LRP4: variants seen among roughly 807,000 people sequenced by gnomAD.
The protein encoded by LRP4 is low-density lipoprotein receptor-related protein 4.
In LRP4, 95 loss-of-function variants were observed where a neutral mutation model predicts 220.3. That is an observed-to-expected ratio of 0.43 (90% CI 0.37 to 0.51). The LOEUF (loss-of-function observed/expected upper bound fraction) is 0.51. Ranked by LOEUF, LRP4 falls within the 20% of genes least tolerant of loss-of-function variation. LRP4 has a pLI of 0.00. For synonymous variants in LRP4, 903 were observed against 954.6 expected, an observed-to-expected ratio of 0.95 and a Z score of 1.00; for missense variants, 1,925 against 2,567.0, an observed-to-expected ratio of 0.75 and a Z score of 5.40.
intron 11 of LRP4, 61 bp from the exon 12 acceptor site, chr11:46,894,880 C>A (rs2134850353): frequency 1.4e-6 from 2 of 1,425,196 alleles, no homozygotes; most frequent in East Asian, 4.6e-5. Flanking sequence ...TGGTACCCAT[C>A]AGCAGGTCTT....
chr11:46,862,404 C>G (rs1940581971), intron 37 of LRP4, among the ~76,000 whole-genome samples: 1 of 152,190 alleles, frequency 6.6e-6, no homozygotes, highest in Non-Finnish European at 1.5e-5. Flanking sequence ...CTGGCTCTCA[C>G]TAAGGTCCCT....
rs1169075577 is a variant in LRP4, at chr11:46,858,651, G to A, written c.*332C>T. The A allele has an allele frequency of 1.3e-5, 5 of 386,476 alleles. No homozygotes were observed. Among genetic ancestry groups the A allele is most frequent in the Admixed American group, 3.6e-5 (1 of 27,416 alleles). The allele number at this position is 386,476 out of a possible 1,614,324, so 23.9% of individuals were successfully genotyped here. A position where few individuals can be genotyped will look rare whatever the true frequency, so the allele number is the denominator to read the frequency against. On this transcript the variant is annotated 3_prime_UTR_variant, in exon 38 of 38. Transcript: ENST00000378623. ...TCAGCTGCATCAGCACTGAGAAGCA[G>A]GCACTGAGGGTACTGGGGAAAGGGG...
intron 7 of LRP4, 46 bp from the exon 8 acceptor site, chr11:46,897,040 T>G: frequency 6.2e-7 from 1 of 1,612,838 alleles, no homozygotes; most frequent in Non-Finnish European, 8.5e-7. Context: ...CATTTCAGCC[T>G]GAAATTCTCC....
rs1424972529 is a variant in LRP4 at position 46,879,009 on chromosome 11, C to T, written c.3034G>A (p.Gly1012Ser). The T allele has an allele frequency of 8.1e-6, 13 of 1,614,230 alleles. 1 individual carries two copies. Among genetic ancestry groups the T allele is most frequent in the South Asian group, 5.5e-5 (5 of 91,078 alleles). Residue 1012 changes from glycine (G) to serine (S), a missense_variant, in exon 22 of 38, where the codon GGC (glycine) becomes AGC (serine). Gly to Ser is a moderately conservative substitution (Grantham distance 56, BLOSUM62 0). Around this residue, in one of 3 missense-constraint regions of LRP4, gnomAD observed 1,244 missense variants for 1,624.9 expected, o/e 0.77. Coordinates refer to ENST00000378623, the MANE Select transcript of LRP4 (RefSeq NM_002334.4). ...GACCTAAGACACAGGTGGCTACAGC[C>T]GCCATTCTCCATAGCACATGGTGTA... The part of the protein sequence containing the change: ...VSTPCAMENG[G>S]CSHLCLRSPN...
intron 1 of LRP4, among the ~76,000 whole-genome samples, chr11:46,913,230 G>A (rs1470582668): frequency 2.0e-5 from 3 of 152,166 alleles, no homozygotes; most frequent in East Asian, 3.9e-4. Flanking sequence ...CGTAAGAGGC[G>A]CCCAAGGGCA....
At chr11:46,866,626 T>A (rs1940708377) in intron 34 of LRP4, among the ~76,000 whole-genome samples, 1 of 152,214 alleles carries the variant, frequency 6.6e-6, no homozygotes, top group Non-Finnish European at 1.5e-5. Context: ...AACACAGTCA[T>A]TAGAATTTTT....
rs71042636 is a variant in LRP4, at chr11:46,909,611, CAAAAAAAA to C, written c.53-6690_53-6683del. Among the ~76,000 whole-genome samples, 123 of 46,098 alleles carry C rather than the reference CAAAAAAAA, an allele frequency of 2.7e-3. 4 individuals carry two copies. The highest frequency in any genetic ancestry group is 0.016 in the East Asian group (30 of 1,904). 30.2% of individuals were successfully genotyped at this position (46,098 alleles called of 152,430 possible). A position where few individuals can be genotyped will look rare whatever the true frequency, so the allele number is the denominator to read the frequency against. ...TGGGCGACAGAGCGAGACTCCGTCT[CAAAAAAAA>C]AAAAAAAAAAAAAAAAAAAAAGGAG... On this transcript the variant is annotated intron_variant, in intron 1 of 37. Transcript: ENST00000378623.
chr11:46,910,951 C>T (rs1941849939), intron 1 of LRP4, among the ~76,000 whole-genome samples: 1 of 152,116 alleles, frequency 6.6e-6, no homozygotes, highest in Non-Finnish European at 1.5e-5. Flanking sequence ...ACTGGGATTA[C>T]AGGCACGAGC....
rs762445274 is a variant in LRP4, at chr11:46,875,699, G to C, written c.3700-18C>G. ...TCAATTCGCTGCAGAGGAAGGAGAGGGTGGGGGGTGGTGATCAGCAGATTG... is the reference window on the plus strand; with the variant it reads ...TCAATTCGCTGCAGAGGAAGGAGAGCGTGGGGGGTGGTGATCAGCAGATTG... On this transcript the variant is annotated intron_variant, in intron 26 of 37. Coordinates refer to ENST00000378623, the MANE Select transcript of LRP4 (RefSeq NM_002334.4). This position sits in a 1 kb window ranked among gnomAD's most constrained non-coding sequence, Gnocchi z 4.5. 6.2e-7 allele frequency: 1 copy of C among 1,612,818 alleles called. No individual in the cohort carries two copies. Among genetic ancestry groups the C allele is most frequent in the Non-Finnish European group, 8.5e-7 (1 of 1,178,928 alleles).
In LRP4 at chr11:46,886,543, G is replaced by A; in HGVS notation, c.2216-10C>T. The stretch of plus-strand genomic sequence containing the variant: ...AGGAACTTGTCAAGACCTGATCAAA[G>A]GCCGAAAGGGGTCTTCTTTTAATGC... On this transcript the variant is annotated splice_polypyrimidine_tract_variant and intron_variant, in intron 16 of 37. Coordinates refer to ENST00000378623, the MANE Select transcript of LRP4 (RefSeq NM_002334.4). The A allele has an allele frequency of 6.2e-7, 1 of 1,610,402 alleles. No individual in the cohort carries two copies. Among genetic ancestry groups the A allele is most frequent in the Non-Finnish European group, 8.5e-7 (1 of 1,176,930 alleles).
At position 46,896,931 on chromosome 11, in the gene LRP4, C is replaced by G. The variant is rs750372656; in HGVS notation, c.860G>C (p.Trp287Ser). Residue 287 changes from tryptophan (W) to serine (S), a missense_variant, in exon 8 of 38, where the codon TGG becomes TCG. By Grantham distance (177) the Trp-to-Ser change is radical. Around this residue, in one of 3 missense-constraint regions of LRP4, gnomAD observed 412 missense variants for 505.4 expected, o/e 0.82. Coordinates refer to ENST00000378623, the MANE Select transcript of LRP4 (RefSeq NM_002334.4). ...ACAGTCGTCCTCCCCATCACAGCGC[C>G]AGGACAGGCGGACACAGCGGCCTGA... Reference protein sequence around the residue: ...CHSGRCVRLSWRCDGEDDCAD... With the variant: ...CHSGRCVRLSSRCDGEDDCAD... 1.9e-6 allele frequency: 3 copies of G among 1,614,144 alleles called. No homozygotes were observed. Among genetic ancestry groups the G allele is most frequent in the Non-Finnish European group, 2.5e-6 (3 of 1,180,060 alleles).
chr11:46,916,485 T>C (rs1941948019), intron 1 of LRP4, among the ~76,000 whole-genome samples: 2 of 152,036 alleles, frequency 1.3e-5, no homozygotes, highest in Admixed American at 1.3e-4. Flanking sequence ...CCGCGAATCC[T>C]CCCATTCTTT....
intron 36 of LRP4, 52 bp downstream of exon 36, chr11:46,864,396 A>G (rs1940638318): frequency 7.6e-7 from 1 of 1,312,034 alleles, no homozygotes; most frequent in East Asian, 2.3e-5. Context: ...GATCCCAGAC[A>G]TGCTCATGAA....
At position 46,859,203 on chromosome 11, in the gene LRP4, C is replaced by G. The variant is rs771256759; in HGVS notation, c.5498G>C (p.Arg1833Pro). The G allele has an allele frequency of 2.8e-5, 46 of 1,614,168 alleles. No homozygotes were observed. Among genetic ancestry groups the G allele is most frequent in the Non-Finnish European group, 3.2e-5 (38 of 1,180,022 alleles). Residue 1833 changes from arginine to proline, a missense_variant, in exon 38 of 38, where the codon CGG becomes CCG. This residue lies in a region of LRP4 where 1,244 missense variants were observed against 1,624.9 expected (regional missense o/e 0.77). Coordinates refer to ENST00000378623, the MANE Select transcript of LRP4 (RefSeq NM_002334.4). ...TACATGATCCCGGAGGAGGCCCCCC[C>G]GTGAGCTTCGCAGTTGCTTGAGGTC... ...WDDLKQLRSS[R>P]GGLLRDHVCM...
At position 46,875,122 on chromosome 11, in the gene LRP4, A is replaced by G. The variant is rs760403260; in HGVS notation, c.3926-19T>C. 3.7e-6 allele frequency: 6 copies of G among 1,609,078 alleles called. No homozygotes were observed. Among genetic ancestry groups the G allele is most frequent in the Non-Finnish European group, 5.1e-6 (6 of 1,179,154 alleles). On this transcript the variant is annotated intron_variant, in intron 27 of 37. Transcript: ENST00000378623. The surrounding 1 kb of genome is among the most constrained non-coding windows in gnomAD (Gnocchi z 4.5). ...TTAAAACCTGGTGATGAGAAGCACA[A>G]GTATTCACACCTAGCCTGGAACATC...
In LRP4 at chr11:46,897,001, A is replaced by G. The variant is rs1941546919; in HGVS notation, c.797-7T>C. ...GCCGTACACATGGAGGTGGCTGGGC[A>G]AAGCAAAGGCTTAATGAAAGGTGGG... On this transcript the variant is annotated splice_polypyrimidine_tract_variant and splice_region_variant and intron_variant, in intron 7 of 37. Coordinates refer to ENST00000378623, the MANE Select transcript of LRP4 (RefSeq NM_002334.4). 1.2e-6 allele frequency: 2 copies of G among 1,614,144 alleles called. No individual in the cohort carries two copies. The highest frequency in any genetic ancestry group is 4.5e-5 in the East Asian group (2 of 44,882).
chr11:46,898,731 A>C, intron 6 of LRP4, 54 bp from the exon 7 acceptor site: 1 of 1,612,502 alleles, frequency 6.2e-7, no homozygotes, highest in South Asian at 1.1e-5. Flanking sequence ...GTCCCATGGC[A>C]GACTAGAAGG....
At chr11:46,869,374 T>G (rs1037446145) in intron 31 of LRP4, among the ~76,000 whole-genome samples, 1 of 152,208 alleles carries the variant, frequency 6.6e-6, no homozygotes, top group Non-Finnish European at 1.5e-5. Context: ...CAAGTACATT[T>G]TTACACTCAA....
At position 46,883,665 on chromosome 11, in the gene LRP4, G is replaced by A. The variant is rs184463185; in HGVS notation, c.2612+206C>T. ...TTCACACCTCTATAGTTCTGTGTGT[G>A]TATCTTTAATTCCTCTAGCACCACT... On this transcript the variant is annotated intron_variant, in intron 19 of 37. Coordinates refer to ENST00000378623, the MANE Select transcript of LRP4 (RefSeq NM_002334.4). Among the ~76,000 whole-genome samples the A allele has an allele frequency of 3.6e-3, 549 of 152,354 alleles. 1 individual carries two copies. The highest frequency in any genetic ancestry group is 6.8e-3 in the Middle Eastern group (2 of 294).
Sources: gnomAD v4.1 joint callset for allele counts (sites outside exome capture counted in the v4.1 genomes callset) on GRCh38, gnomAD v4.1.1 for gene constraint, gnomAD v4.1.1 regional missense constraint, Gnocchi (gnomAD v3.1) non-coding constraint, MANE v1.5 for transcripts, NCBI Gene and HGNC (gene_info 2026-07-23, HGNC 2026-07-21) for gene names.